Variants in TOR1AIP2 observed in about 807,000 individuals in gnomAD.
The protein encoded by TOR1AIP2 is torsin-1A-interacting protein 2.
TOR1AIP2 carries 20 observed loss-of-function variants against 32.6 expected under a neutral mutation model. The observed-to-expected ratio is 0.61, with a 90% CI of 0.43 to 0.89. The LOEUF (loss-of-function observed/expected upper bound fraction) is 0.89, where lower values mean the gene tolerates loss of function less well. TOR1AIP2 is among the 40% of genes least tolerant of loss of function. The pLI is 0.00. For missense variants in TOR1AIP2, 456 were observed against 553.8 expected (o/e 0.82, Z 1.77); for synonymous variants, 214 against 210.8 (o/e 1.02, Z -0.13).
intron 2 of TOR1AIP2, chr1:179,868,187 T>A (rs1233092910): frequency 6.6e-6 from 1 of 152,260 alleles, no homozygotes; most frequent in East Asian, 1.9e-4. Flanking sequence ...CTTGGTTATA[T>A]CCCATCCCCT....
intron 2 of TOR1AIP2, among the ~76,000 whole-genome samples, chr1:179,866,566 CG>C (rs1696785035): frequency 6.6e-6 from 1 of 152,094 alleles, no homozygotes. Flanking sequence ...CCACCATGCC[CG>C]GCTAATTTTG....
rs969036966 is a variant in TOR1AIP2 at position 179,845,451 on chromosome 1, C to T, written c.*620G>A. ...GAACATTTGAGTACAGCTGCTTATA[C>T]CTCAGCTGAATGAAATAAAAGCACA... On this transcript the variant is annotated 3_prime_UTR_variant, in exon 7 of 7. Coordinates refer to ENST00000609928, the MANE Select transcript of TOR1AIP2 (RefSeq NM_001199260.2). 5 of 152,194 alleles carry T rather than the reference C, an allele frequency of 3.3e-5. No homozygotes were observed. Among genetic ancestry groups the T allele is most frequent in the African/African-American group, 1.2e-4 (5 of 41,450 alleles). The allele number at this position is 152,194 out of a possible 1,614,324, so 9.4% of individuals were successfully genotyped here.
At chr1:179,867,695 C>G (rs1384708429) in intron 2 of TOR1AIP2, 3 of 152,152 alleles carry the variant, frequency 2.0e-5, no homozygotes, top group African/African-American at 7.2e-5. Context: ...ACCACTCCTC[C>G]CAGAGGACTC....
chr1:179,854,537 G>C (rs892859390), intron 3 of TOR1AIP2, among the ~76,000 whole-genome samples: 2 of 152,174 alleles, frequency 1.3e-5, no homozygotes, highest in Non-Finnish European at 2.9e-5. Context: ...TAATTCTAAA[G>C]AAGGGGGGCA....
chr1:179,860,481 C>CA lies in TOR1AIP2; in HGVS notation c.-147+4954dup, dbSNP rs904064025. The CA allele has an allele frequency of 3.3e-5, 33 of 985,320 alleles. No individual in the cohort carries two copies. In the East Asian group the frequency reaches 1.8e-3, roughly 54 times the overall value. The allele number at this position is 985,320 out of a possible 1,614,324, so 61.0% of individuals were successfully genotyped here. A position where few individuals can be genotyped will look rare whatever the true frequency, so the allele number is the denominator to read the frequency against. ...TAGGTGACAGAACGAGACTCTGTCT[C>CA]AAAAAAACAAAACAAAACAAGTAAG... On this transcript the variant is annotated intron_variant, in intron 3 of 6. Transcript: ENST00000609928.
chr1:179,862,559 A>ACTT, intron 3 of TOR1AIP2: 3 of 985,410 alleles, frequency 3.0e-6, no homozygotes, highest in Non-Finnish European at 3.6e-6. Context: ...CTAACAAATA[A>ACTT]CTTCAGGTTT....
At chr1:179,871,682 G>C (rs1028820250) in intron 2 of TOR1AIP2, among the ~76,000 whole-genome samples, 11 of 152,122 alleles carry the variant, frequency 7.2e-5, no homozygotes, top group Admixed American at 7.2e-4. Flanking sequence ...AAGTATAAAT[G>C]CTTTAAACTC....
At chr1:179,850,134 A>G (rs1285738078) in intron 5 of TOR1AIP2, among the ~76,000 whole-genome samples, 1 of 151,792 alleles carries the variant, frequency 6.6e-6, no homozygotes, top group Non-Finnish European at 1.5e-5. Context: ...ATGTTTGGAT[A>G]TCATCTTGTC....
intron 3 of TOR1AIP2, among the ~76,000 whole-genome samples, chr1:179,858,414 G>A (rs1161499930): frequency 6.6e-6 from 1 of 151,836 alleles, no homozygotes; most frequent in Non-Finnish European, 1.5e-5. Context: ...GGTGTCAACT[G>A]TACACATAAA....
At chr1:179,876,478 T>C (rs1042443268) in intron 2 of TOR1AIP2, among the ~76,000 whole-genome samples, 1 of 152,354 alleles carries the variant, frequency 6.6e-6, no homozygotes, top group African/African-American at 2.4e-5. Flanking sequence ...TTCAGCATAA[T>C]AAACATTACT....
chr1:179,864,368 G>A (rs914769785), intron 3 of TOR1AIP2: 1 of 990,194 alleles, frequency 1.0e-6, no homozygotes, highest in Non-Finnish European at 1.2e-6. Context: ...GACTAATCTA[G>A]GATCCAGCTA....
intron 3 of TOR1AIP2, chr1:179,861,889 G>C: frequency 1.1e-6 from 1 of 933,592 alleles, no homozygotes; most frequent in Non-Finnish European, 1.3e-6. Context: ...GAAAGAGACA[G>C]TGGTCTGACT....
chr1:179,862,661 G>A lies in TOR1AIP2; in HGVS notation c.-147+2775C>T. 3 of 985,134 alleles carry A rather than the reference G, an allele frequency of 3.0e-6. No individual in the cohort carries two copies. The South Asian group carries it at 1.4e-4, about 46-fold the overall frequency. The allele number at this position is 985,134 out of a possible 1,614,324, so 61.0% of individuals were successfully genotyped here. A position where few individuals can be genotyped will look rare whatever the true frequency, so the allele number is the denominator to read the frequency against. On this transcript the variant is annotated intron_variant, in intron 3 of 6. Coordinates refer to ENST00000609928, the MANE Select transcript of TOR1AIP2 (RefSeq NM_001199260.2). ...AAAAGAGCCCTGGTCAGGCACGGTG[G>A]CTATGCCTGTAATCCCAGCACTGTC...
intron 3 of TOR1AIP2, chr1:179,863,453 T>C: frequency 1.0e-6 from 1 of 985,128 alleles, no homozygotes; most frequent in Non-Finnish European, 1.2e-6. Flanking sequence ...ACTTCCAGCC[T>C]TTCCTAGGGA....
chr1:179,857,352 C>T (rs934722668), intron 3 of TOR1AIP2, among the ~76,000 whole-genome samples: 7 of 152,210 alleles, frequency 4.6e-5, no homozygotes, highest in African/African-American at 1.7e-4. Context: ...TCCATCAAGG[C>T]TTGTAACAGG....
At position 179,856,539 on chromosome 1, in the gene TOR1AIP2, A is replaced by C. The variant is rs540440542; in HGVS notation, c.-146-3728T>G. Reference sequence around the variant, plus strand: ...GTACAAGAAGTGGGACAAACAAGGAAGTTCTTGACAAATCCTCAGAAAAGG... The same window carrying C: ...GTACAAGAAGTGGGACAAACAAGGACGTTCTTGACAAATCCTCAGAAAAGG... On this transcript the variant is annotated intron_variant, in intron 3 of 6. Coordinates refer to ENST00000609928, the MANE Select transcript of TOR1AIP2 (RefSeq NM_001199260.2). 1.5e-3 allele frequency among the ~76,000 whole-genome samples: 228 copies of C among 152,332 alleles called. 1 individual carries two copies. Among genetic ancestry groups the C allele is most frequent in the Non-Finnish European group, 2.7e-3 (186 of 68,010 alleles).
intron 2 of TOR1AIP2, among the ~76,000 whole-genome samples, chr1:179,871,727 G>A (rs892036268): frequency 2.6e-5 from 4 of 152,038 alleles, no homozygotes; most frequent in African/African-American, 9.7e-5. Context: ...TTCTTCTAGG[G>A]GGTACTACAG....
intron 3 of TOR1AIP2, chr1:179,860,876 C>T (rs916735358): frequency 2.0e-6 from 2 of 985,316 alleles, no homozygotes; most frequent in African/African-American, 3.5e-5. Flanking sequence ...CTTTTACAGA[C>T]AGCTATGACA....
rs1376563121 is a variant in TOR1AIP2, at chr1:179,850,907, G to A, written c.491C>T (p.Pro164Leu). Residue 164 changes from proline (P) to leucine (L), a missense_variant, in exon 5 of 7, where the codon CCT becomes CTT. By Grantham distance (98) the Pro-to-Leu change is moderately conservative (BLOSUM62 -3). Coordinates refer to ENST00000609928, the MANE Select transcript of TOR1AIP2 (RefSeq NM_001199260.2). ...CTCTTGCCCTGCACTGGAATGACCA[G>A]GACTCTGGGCCTCCTGGGAGTCTGT... ...PTTDSQEAQS[P>L]GHSSAGQEGE... 6.2e-7 allele frequency: 1 copy of A among 1,614,232 alleles called. No homozygotes were observed. Among genetic ancestry groups the A allele is most frequent in the South Asian group, 1.1e-5 (1 of 91,084 alleles).
Sources: gnomAD v4.1 joint callset for allele counts (sites outside exome capture counted in the v4.1 genomes callset) on GRCh38, gnomAD v4.1.1 for gene constraint, MANE v1.5 for transcripts, NCBI Gene and HGNC (gene_info 2026-07-23, HGNC 2026-07-21) for gene names.